Variants in CNTN3 observed in about 807,000 individuals in gnomAD.
The protein encoded by CNTN3 is contactin 3.
CNTN3 carries 60 observed loss-of-function variants against 119.1 expected under a neutral mutation model. The ratio of observed to expected loss-of-function variants is 0.50; its 90% CI spans 0.41 to 0.62. The LOEUF (loss-of-function observed/expected upper bound fraction) is 0.62, where lower values mean the gene tolerates loss of function less well. CNTN3 is among the 20% of genes least tolerant of loss of function. The probability of loss-of-function intolerance (pLI) is 0.00; values close to 1 mark genes in which losing one functional copy is unlikely to be tolerated. For missense variants in CNTN3, 1,101 were observed against 1,242.4 expected, an observed-to-expected ratio of 0.89 and a Z score of 1.71; for synonymous variants, 450 against 438.7, an observed-to-expected ratio of 1.03 and a Z score of -0.32.
chr3:74,553,091 C>T (rs1356197768), intron 1 of CNTN3, among the ~76,000 whole-genome samples: 3 of 151,654 alleles, frequency 2.0e-5, no homozygotes, highest in East Asian at 3.9e-4. Context: ...CCCCTAGCCC[C>T]CCAACCCCCA....
chr3:74,291,557 T>C (rs949170143), intron 19 of CNTN3, among the ~76,000 whole-genome samples: 1 of 152,146 alleles, frequency 6.6e-6, no homozygotes, highest in Non-Finnish European at 1.5e-5. Context: ...ATTTTTTGTA[T>C]ATTTGTAGAG....
At chr3:74,336,797 TAC>T in intron 11 of CNTN3, 139 bp from the exon 12 acceptor site, 1 of 507,866 alleles carries the variant, frequency 2.0e-6, no homozygotes, top group Non-Finnish European at 3.1e-6. Context: ...TTTTTGGGAA[TAC>T]AAAAAAAAAA....
chr3:74,315,273 T>C (rs1702801999), intron 13 of CNTN3, among the ~76,000 whole-genome samples: 1 of 152,208 alleles, frequency 6.6e-6, no homozygotes, highest in African/African-American at 2.4e-5. Flanking sequence ...TTGTTTAGCA[T>C]ATAATCAATA....
intron 1 of CNTN3, among the ~76,000 whole-genome samples, chr3:74,538,138 A>T (rs532811599): frequency 6.6e-6 from 1 of 152,254 alleles, no homozygotes; most frequent in South Asian, 2.1e-4. Flanking sequence ...TACAGGAGGC[A>T]CAATTTCTTG....
chr3:74,335,013 T>G (rs967933647), intron 12 of CNTN3, 103 bp from the exon 13 acceptor site: 2 of 727,412 alleles, frequency 2.7e-6, no homozygotes, highest in South Asian at 4.2e-5. Flanking sequence ...TGTCTGTAGA[T>G]GCATATACAT....
intron 5 of CNTN3, among the ~76,000 whole-genome samples, chr3:74,374,279 T>C (rs2106797013): frequency 6.7e-6 from 1 of 149,410 alleles, no homozygotes; most frequent in Non-Finnish European, 1.5e-5. Context: ...TCACCTTTTT[T>C]CCAGTTTTTT....
intron 4 of CNTN3, among the ~76,000 whole-genome samples, chr3:74,449,658 C>G (rs192639597): frequency 6.6e-6 from 1 of 152,048 alleles, no homozygotes; most frequent in Non-Finnish European, 1.5e-5. Context: ...ATATATTATG[C>G]AAGAAAACCT....
chr3:74,529,060 A>C (rs779333403), intron 1 of CNTN3, among the ~76,000 whole-genome samples: 10 of 151,942 alleles, frequency 6.6e-5, no homozygotes, highest in African/African-American at 2.4e-4. Context: ...CAGCACATAT[A>C]TTTATAACTA....
chr3:74,374,085 G>A (rs868119664), intron 5 of CNTN3, among the ~76,000 whole-genome samples: 28 of 152,118 alleles, frequency 1.8e-4, no homozygotes, highest in Middle Eastern at 3.4e-3. Context: ...GCTCGTTCCT[G>A]CCCCATGAAG....
chr3:74,437,569 T>C (rs1413325116), intron 4 of CNTN3, among the ~76,000 whole-genome samples: 2 of 152,286 alleles, frequency 1.3e-5, no homozygotes, highest in South Asian at 4.1e-4. Flanking sequence ...ACTCTCCCTA[T>C]TTGATTATGG....
chr3:74,556,084 C>T (rs374017223), intron 1 of CNTN3, among the ~76,000 whole-genome samples: 1 of 152,194 alleles, frequency 6.6e-6, no homozygotes, highest in Non-Finnish European at 1.5e-5. Flanking sequence ...TTTTTCATAG[C>T]TTGTAGCTTG....
At chr3:74,463,444 C>T (rs571710788) in intron 4 of CNTN3, among the ~76,000 whole-genome samples, 1 of 152,086 alleles carries the variant, frequency 6.6e-6, no homozygotes, top group South Asian at 2.1e-4. Context: ...GTACACCTAT[C>T]CCTGCCTCCT....
intron 2 of CNTN3, among the ~76,000 whole-genome samples, chr3:74,512,692 CAAAAAAA>C (rs66822650): frequency 2.5e-4 from 21 of 85,248 alleles, no homozygotes; most frequent in South Asian, 1.0e-3. Flanking sequence ...CATAATCAAG[CAAAAAAA>C]AAAAAAAAAA....
chr3:74,574,185 A>G (rs927306001), intron 1 of CNTN3, among the ~76,000 whole-genome samples: 1 of 152,204 alleles, frequency 6.6e-6, no homozygotes, highest in Non-Finnish European at 1.5e-5. Flanking sequence ...TCAGTGAGGA[A>G]CCACAAAAGG....
intron 1 of CNTN3, among the ~76,000 whole-genome samples, chr3:74,543,073 T>C (rs555768368): frequency 1.3e-5 from 2 of 152,096 alleles, no homozygotes; most frequent in East Asian, 1.9e-4. Flanking sequence ...AGCTGCAGTG[T>C]GCTATGAGTG....
chr3:74,302,994 T>C (rs1702489763), intron 13 of CNTN3, among the ~76,000 whole-genome samples, 187 bp from the exon 14 acceptor site: 1 of 152,334 alleles, frequency 6.6e-6, no homozygotes, highest in South Asian at 2.1e-4. Context: ...AAACCATACA[T>C]GACTGCAGTC....
At chr3:74,406,333 A>T (rs1438531816) in intron 5 of CNTN3, among the ~76,000 whole-genome samples, 4 of 152,140 alleles carry the variant, frequency 2.6e-5, no homozygotes, top group Non-Finnish European at 5.9e-5. Flanking sequence ...TTTTAAAAGT[A>T]CAAATTTGTC....
rs1203721502 is a variant in CNTN3, at chr3:74,361,963, A to T, written c.1291T>A (p.Cys431Ser). The change falls in exon 11 of 23, where the codon TGT (cysteine) becomes AGT (serine). Residue 431 changes from cysteine (C) to serine (S), a missense_variant. Coordinates refer to ENST00000263665, the MANE Select transcript of CNTN3 (RefSeq NM_020872.3). ...GCCCTTGGGGAGGCTCTGGGTTTAC[A>T]ATCCAAGCTGACCAGGCTGCCCACC... ...VQVGSLVSLD[C>S]KPRASPRALS... 1 of 1,613,892 alleles carries T rather than the reference A, an allele frequency of 6.2e-7. No homozygotes were observed. Among genetic ancestry groups the T allele is most frequent in the South Asian group, 1.1e-5 (1 of 91,070 alleles).
At chr3:74,364,966 C>T (rs1284464553) in intron 9 of CNTN3, among the ~76,000 whole-genome samples, 1 of 152,072 alleles carries the variant, frequency 6.6e-6, no homozygotes, top group East Asian at 1.9e-4. Flanking sequence ...AATGTTTTCA[C>T]TATGTCTTTT....
Sources: gnomAD v4.1 joint callset for allele counts (sites outside exome capture counted in the v4.1 genomes callset) on GRCh38, gnomAD v4.1.1 for gene constraint, MANE v1.5 for transcripts, NCBI Gene and HGNC (gene_info 2026-07-23, HGNC 2026-07-21) for gene names.